Variants in GALNT18 observed in about 807,000 individuals in gnomAD.
GALNT18 encodes GalNAc-transferase 18.
In GALNT18, 44 loss-of-function variants were observed where a neutral mutation model predicts 69.5. That is an observed-to-expected ratio of 0.63 (90% CI 0.50 to 0.81). The LOEUF (loss-of-function observed/expected upper bound fraction) is 0.81, where lower values mean the gene tolerates loss of function less well. GALNT18 is among the 40% of genes least tolerant of loss of function. GALNT18 has a pLI of 0.00. For synonymous variants in GALNT18, 364 were observed against 318.2 expected, an observed-to-expected ratio of 1.14 and a Z score of -1.53; for missense variants, 715 against 810.0, an observed-to-expected ratio of 0.88 and a Z score of 1.42.
intron 2 of GALNT18, among the ~76,000 whole-genome samples, chr11:11,437,256 T>A (rs183389796): frequency 9.2e-5 from 14 of 152,356 alleles, no homozygotes; most frequent in African/African-American, 3.4e-4. Flanking sequence ...CATATTCTCC[T>A]GTAAAATTAA....
chr11:11,367,880 A>C (rs188956401), intron 6 of GALNT18, among the ~76,000 whole-genome samples: 6 of 152,292 alleles, frequency 3.9e-5, no homozygotes, highest in Non-Finnish European at 5.9e-5. Context: ...TACAGCATAC[A>C]ATGGAGGCCT....
intron 1 of GALNT18, among the ~76,000 whole-genome samples, chr11:11,569,904 C>T (rs999449451): frequency 2.6e-5 from 4 of 152,060 alleles, no homozygotes; most frequent in African/African-American, 7.2e-5. Flanking sequence ...ACAGGAAAAG[C>T]TCAGGAAAGA....
rs1237373510 is a variant in GALNT18 at position 11,318,067 on chromosome 11, C to A, written c.1512+9019G>T. On this transcript the variant is annotated intron_variant, in intron 9 of 10. Coordinates refer to ENST00000227756, the MANE Select transcript of GALNT18 (RefSeq NM_198516.3). This position sits in a 1 kb window ranked among gnomAD's most constrained non-coding sequence, Gnocchi z 5.1. ...CAAGATCTCCCGGACACACAGAAAACCACAACTTGCTACCCCTCTGAGTCA... is the reference window on the plus strand; with the variant it reads ...CAAGATCTCCCGGACACACAGAAAAACACAACTTGCTACCCCTCTGAGTCA... Among the ~76,000 whole-genome samples, 1 of 152,176 alleles carries A rather than the reference C, an allele frequency of 6.6e-6. No individual in the cohort carries two copies. Among genetic ancestry groups the A allele is most frequent in the African/African-American group, 2.4e-5 (1 of 41,428 alleles).
At chr11:11,330,116 C>T (rs1232560945) in intron 8 of GALNT18, among the ~76,000 whole-genome samples, 1 of 152,166 alleles carries the variant, frequency 6.6e-6, no homozygotes, top group Admixed American at 6.5e-5. Flanking sequence ...CTTATGCCCA[C>T]ACGATGGGGC....
At chr11:11,401,203 A>G (rs12421938) in intron 3 of GALNT18, among the ~76,000 whole-genome samples, 32,461 of 152,080 alleles carry the variant, frequency 0.21, 3,606 homozygotes, top group Admixed American at 0.25. Context: ...GCAAACCCAG[A>G]AGAGAATCAG....
rs533508312 is a variant in GALNT18, at chr11:11,504,699, G to A, written c.236-55763C>T. On this transcript the variant is annotated intron_variant, in intron 1 of 10. Coordinates refer to ENST00000227756, the MANE Select transcript of GALNT18 (RefSeq NM_198516.3). ...CCTGAGCCTGGAAGGTGGAGGTTGC[G>A]GTGAACCATGATCATGCCACTGCAC... is the stretch of plus-strand genomic sequence containing the variant. Among the ~76,000 whole-genome samples the A allele has an allele frequency of 1.7e-4, 26 of 152,108 alleles. 1 individual carries two copies. In the South Asian group the frequency reaches 3.3e-3, roughly 19 times the overall value.
rs376865819 is a variant in GALNT18 at position 11,596,025 on chromosome 11, T to C, written c.235+25334A>G. Among the ~76,000 whole-genome samples the C allele has an allele frequency of 8.5e-5, 13 of 152,310 alleles. No individual in the cohort carries two copies. Among genetic ancestry groups the C allele is most frequent in the African/African-American group, 2.6e-4 (11 of 41,582 alleles). On this transcript the variant is annotated intron_variant, in intron 1 of 10. Coordinates refer to ENST00000227756, the MANE Select transcript of GALNT18 (RefSeq NM_198516.3). The surrounding 1 kb of genome is among the most constrained non-coding windows in gnomAD (Gnocchi z 4.2). ...AAGAGTTCTATGATTTTATCTCTTA[T>C]ATTTAGTTCTATGATCCATTTTGAG...
chr11:11,498,790 C>A (rs1368437205), intron 1 of GALNT18, among the ~76,000 whole-genome samples: 2 of 152,112 alleles, frequency 1.3e-5, no homozygotes, highest in Non-Finnish European at 2.9e-5. Context: ...CAGAGTGAGA[C>A]TCCATCTCAA....
chr11:11,534,176 G>A (rs142883535), intron 1 of GALNT18, among the ~76,000 whole-genome samples: 101 of 152,324 alleles, frequency 6.6e-4, no homozygotes, highest in Non-Finnish European at 1.3e-3. Context: ...CCTTAGCCAT[G>A]GGTAATAGGT....
At chr11:11,282,858 G>A (rs1048986151) in intron 10 of GALNT18, among the ~76,000 whole-genome samples, 2 of 152,130 alleles carry the variant, frequency 1.3e-5, no homozygotes, top group African/African-American at 2.4e-5. Context: ...ATTCTAGTAG[G>A]GAAAGCAGAA....
intron 1 of GALNT18, among the ~76,000 whole-genome samples, chr11:11,489,816 C>T (rs1856723976): frequency 6.6e-6 from 1 of 152,086 alleles, no homozygotes; most frequent in African/African-American, 2.4e-5. Flanking sequence ...TCCTGTTTTA[C>T]AAATAGGAAA....
intron 3 of GALNT18, among the ~76,000 whole-genome samples, chr11:11,414,532 T>C (rs1162359466): frequency 3.9e-5 from 6 of 152,212 alleles, no homozygotes; most frequent in Non-Finnish European, 1.5e-5. Flanking sequence ...CCTTCCATCC[T>C]TTAAAGCTCA....
intron 3 of GALNT18, among the ~76,000 whole-genome samples, chr11:11,381,631 G>A (rs905247943): frequency 3.3e-5 from 5 of 152,196 alleles, no homozygotes; most frequent in Admixed American, 6.5e-5. Context: ...CAAGTTCCAG[G>A]CCTTTTGCAT....
rs982887586 is a variant in GALNT18 at position 11,564,547 on chromosome 11, C to T, written c.235+56812G>A. On this transcript the variant is annotated intron_variant, in intron 1 of 10. Coordinates refer to ENST00000227756, the MANE Select transcript of GALNT18 (RefSeq NM_198516.3). The surrounding 1 kb of genome is among the most constrained non-coding windows in gnomAD (Gnocchi z 4.3). ...ATTTGAGGGCTGAAAGAGTCATTTGCCTCAAAGGCAAACCTGAAAACTGTC... is the reference window on the plus strand; with the variant it reads ...ATTTGAGGGCTGAAAGAGTCATTTGTCTCAAAGGCAAACCTGAAAACTGTC... Among the ~76,000 whole-genome samples, 1 of 152,172 alleles carries T rather than the reference C, an allele frequency of 6.6e-6. No individual in the cohort carries two copies. Among genetic ancestry groups the T allele is most frequent in the African/African-American group, 2.4e-5 (1 of 41,436 alleles).
chr11:11,320,014 A>T lies in GALNT18; in HGVS notation c.1512+7072T>A, dbSNP rs989206159. ...AGTTAGTACTACTATATTCTCTCTT[A>T]TGCTGCTACAAGCCAAGGGACCACC... On this transcript the variant is annotated intron_variant, in intron 9 of 10. Transcript: ENST00000227756. The surrounding 1 kb of genome is among the most constrained non-coding windows in gnomAD (Gnocchi z 4.9). 2.6e-5 allele frequency among the ~76,000 whole-genome samples: 4 copies of T among 152,148 alleles called. No homozygotes were observed. Among genetic ancestry groups the T allele is most frequent in the Non-Finnish European group, 5.9e-5 (4 of 68,024 alleles).
In GALNT18 at chr11:11,415,069, G is replaced by A. The variant is rs910208775; in HGVS notation, c.595+17552C>T. ...ATCTGGGGAATGCTCTTGGCAACAA[G>A]AGGCTGCCCAATCTCCTTGCCGCAT... On this transcript the variant is annotated intron_variant, in intron 3 of 10. Transcript: ENST00000227756. The surrounding 1 kb of genome is among the most constrained non-coding windows in gnomAD (Gnocchi z 4.1). Among the ~76,000 whole-genome samples the A allele has an allele frequency of 6.6e-6, 1 of 152,214 alleles. No individual in the cohort carries two copies. The highest frequency in any genetic ancestry group is 1.5e-5 in the Non-Finnish European group (1 of 68,046).
chr11:11,527,473 AG>A, intron 1 of GALNT18, among the ~76,000 whole-genome samples: 1 of 152,290 alleles, frequency 6.6e-6, no homozygotes, highest in South Asian at 2.1e-4. Context: ...ATTTTTCCTA[AG>A]TAAATGTCCA....
chr11:11,593,771 CAATAA>C (rs1859420579), intron 1 of GALNT18, among the ~76,000 whole-genome samples: 1 of 151,890 alleles, frequency 6.6e-6, no homozygotes, highest in Non-Finnish European at 1.5e-5. Context: ...TCTAACAAAA[CAATAA>C]AATAAAGTAA....
In GALNT18 at chr11:11,341,768, T is replaced by C. The variant is rs1484162762; in HGVS notation, c.1093-764A>G. Reference sequence around the variant, plus strand: ...TCTAGGCTTTGCTCCATTCTGCTGGTAATTTTAGAATGCCCCACTGCCCCC... The same window carrying C: ...TCTAGGCTTTGCTCCATTCTGCTGGCAATTTTAGAATGCCCCACTGCCCCC... On this transcript the variant is annotated intron_variant, in intron 6 of 10. Coordinates refer to ENST00000227756, the MANE Select transcript of GALNT18 (RefSeq NM_198516.3). This position sits in a 1 kb window ranked among gnomAD's most constrained non-coding sequence, Gnocchi z 6.3. Among the ~76,000 whole-genome samples, 2 of 152,094 alleles carry C rather than the reference T, an allele frequency of 1.3e-5. No individual in the cohort carries two copies. The highest frequency in any genetic ancestry group is 2.9e-5 in the Non-Finnish European group (2 of 68,028).
Sources: allele counts gnomAD v4.1 joint callset (sites outside exome capture counted in the v4.1 genomes callset), GRCh38; gene constraint gnomAD v4.1.1; non-coding constraint Gnocchi (gnomAD v3.1); transcripts MANE v1.5; gene names NCBI Gene and HGNC (gene_info 2026-07-23, HGNC 2026-07-21).